The following HSPA12A variants were observed in gnomAD, a reference collection of about 807,000 sequenced individuals.
HSPA12A encodes heat shock 70 kDa protein 12A.
In HSPA12A, 28 loss-of-function variants were observed where a neutral mutation model predicts 69.2. The ratio of observed to expected loss-of-function variants is 0.40; its 90% CI spans 0.30 to 0.55. The LOEUF is 0.55. Among genes scored for constraint, HSPA12A ranks in the 20% least tolerant of loss-of-function variants. The probability of loss-of-function intolerance (pLI) is 0.38; values close to 1 mark genes in which losing one functional copy is unlikely to be tolerated. For synonymous variants in HSPA12A, 345 were observed against 370.5 expected (o/e 0.93, Z 0.79); for missense variants, 686 against 900.7 (o/e 0.76, Z 3.05).
intron 1 of HSPA12A, among the ~76,000 whole-genome samples, chr10:116,741,778 T>G (rs993262461): frequency 6.6e-6 from 1 of 151,988 alleles, no homozygotes; most frequent in African/African-American, 2.4e-5. Context: ...TGCCTCCCCC[T>G]GCCCCCCGCA....
At chr10:116,760,322 G>A (rs147429899) in intron 2 of HSPA12A, among the ~76,000 whole-genome samples, 3 of 152,120 alleles carry the variant, frequency 2.0e-5, no homozygotes, top group African/African-American at 7.2e-5. Flanking sequence ...AGATTCAAGG[G>A]CACCGAGAGC....
rs1554882194 is a variant in HSPA12A at position 116,705,145 on chromosome 10, A to T, written c.254+6T>A. 6.2e-7 allele frequency: 1 copy of T among 1,614,050 alleles called. No homozygotes were observed. The highest frequency in any genetic ancestry group is 8.5e-7 in the Non-Finnish European group (1 of 1,180,004). ...GCCACGTGGCCCTCCCACCCACAGCACTCACCTCATCACATGGATGCATTC... is the reference window on the plus strand; with the variant it reads ...GCCACGTGGCCCTCCCACCCACAGCTCTCACCTCATCACATGGATGCATTC... On this transcript the variant is annotated splice_donor_region_variant and intron_variant, in intron 3 of 11. Transcript: ENST00000369209.
rs931441882 is a variant in HSPA12A, at chr10:116,818,050, C to A, written c.91+16885G>T. ...GAGTGATCGTTTCTCACCTGGGCAA[C>A]TGCATCAGCCTCCTGTCTGGCTTCC... On this transcript the variant is annotated intron_variant, in intron 2 of 12. Coordinates refer to the HSPA12A transcript ENST00000635765. 7.9e-5 allele frequency among the ~76,000 whole-genome samples: 12 copies of A among 152,214 alleles called. No individual in the cohort carries two copies. The East Asian group carries it at 2.3e-3, about 29-fold the overall frequency.
chr10:116,770,994 G>A (rs1292853887), intron 2 of HSPA12A, among the ~76,000 whole-genome samples: 1 of 151,198 alleles, frequency 6.6e-6, no homozygotes, highest in Admixed American at 6.6e-5. Flanking sequence ...GGTTGGAGTG[G>A]GGCTGTGGGC....
At chr10:116,813,011 G>A (rs573213936) in intron 2 of HSPA12A, among the ~76,000 whole-genome samples, 10 of 152,222 alleles carry the variant, frequency 6.6e-5, no homozygotes, top group Non-Finnish European at 1.0e-4. Context: ...GGAAACTTTT[G>A]AAAAGCAGTT....
At chr10:116,831,903 C>G (rs1413993451) in intron 2 of HSPA12A, 2 of 152,178 alleles carry the variant, frequency 1.3e-5, no homozygotes, top group African/African-American at 2.4e-5. Flanking sequence ...CAACTGTTCA[C>G]CCTCAAAGTG....
Position 116,681,849 on chromosome 10 carries a change from C to G in HSPA12A, c.864G>C (p.Gln288His), listed in dbSNP as rs1293236028. Reference protein sequence around the residue: ...QAKEHIRRNRQSRTFLVENVI... With the variant: ...QAKEHIRRNRHSRTFLVENVI... ...CATTCTCCACCAAAAAGGTCCGACTCTGCCGATTACGCCGTATGTGTTCCT... is the reference window on the plus strand; with the variant it reads ...CATTCTCCACCAAAAAGGTCCGACTGTGCCGATTACGCCGTATGTGTTCCT... The change falls in exon 8 of 12, where the codon CAG becomes CAC. Residue 288 changes from glutamine to histidine, a missense_variant. Gln to His is a conservative substitution (Grantham distance 24). Coordinates refer to ENST00000369209, the MANE Select transcript of HSPA12A (RefSeq NM_025015.3). The G allele has an allele frequency of 6.2e-7, 1 of 1,614,076 alleles. No homozygotes were observed. The highest frequency in any genetic ancestry group is 8.5e-7 in the Non-Finnish European group (1 of 1,180,010).
At chr10:116,826,420 T>G (rs1845506975) in intron 2 of HSPA12A, among the ~76,000 whole-genome samples, 1 of 152,146 alleles carries the variant, frequency 6.6e-6, no homozygotes, top group South Asian at 2.1e-4. Flanking sequence ...GAATAATGAA[T>G]GAAACGTAAA....
At chr10:116,729,073 T>C (rs1638422) in intron 1 of HSPA12A, among the ~76,000 whole-genome samples, 105,246 of 152,080 alleles carry the variant, frequency 0.69, 36,939 homozygotes, top group Middle Eastern at 0.87. Flanking sequence ...CTCACACAAA[T>C]GTGAGTTGTG....
chr10:116,705,758 G>A (rs1243550756), intron 2 of HSPA12A, among the ~76,000 whole-genome samples: 1 of 152,194 alleles, frequency 6.6e-6, no homozygotes, highest in Non-Finnish European at 1.5e-5. Flanking sequence ...TGTGAGCAGG[G>A]CTGGGCATCC....
chr10:116,775,950 C>A (rs1554891074), intron 2 of HSPA12A, among the ~76,000 whole-genome samples: 10 of 152,184 alleles, frequency 6.6e-5, no homozygotes, highest in Non-Finnish European at 1.0e-4. Context: ...CAGCTGAGTG[C>A]CATAAAAGAA....
intron 10 of HSPA12A, among the ~76,000 whole-genome samples, chr10:116,679,101 T>C (rs1211649579): frequency 1.9e-4 from 29 of 152,202 alleles, no homozygotes; most frequent in Admixed American, 1.2e-3. Flanking sequence ...TACATTCCCA[T>C]TGGATTAATT....
chr10:116,763,685 T>C (rs1325208396), intron 2 of HSPA12A, among the ~76,000 whole-genome samples: 1 of 151,978 alleles, frequency 6.6e-6, no homozygotes, highest in Non-Finnish European at 1.5e-5. Flanking sequence ...CACAAAGGGG[T>C]CATTTTTCTC....
chr10:116,838,215 C>T (rs1481691121), intron 1 of HSPA12A, among the ~76,000 whole-genome samples: 1 of 150,896 alleles, frequency 6.6e-6, no homozygotes, highest in Non-Finnish European at 1.5e-5. Flanking sequence ...AGAGCTTGGA[C>T]TATCGAGGCT....
intron 6 of HSPA12A, among the ~76,000 whole-genome samples, chr10:116,688,742 T>G (rs951897394): frequency 6.6e-6 from 1 of 152,238 alleles, no homozygotes; most frequent in Non-Finnish European, 1.5e-5. Flanking sequence ...CCATGTTAGA[T>G]GAGAGGATCA....
At chr10:116,771,003 G>A (rs1166446154) in intron 2 of HSPA12A, among the ~76,000 whole-genome samples, 1 of 151,014 alleles carries the variant, frequency 6.6e-6, no homozygotes, top group Non-Finnish European at 1.5e-5. Flanking sequence ...GGGGCTGTGG[G>A]CTGTGTGTGC....
intron 1 of HSPA12A, chr10:116,849,508 C>T: frequency 6.9e-7 from 1 of 1,450,314 alleles, no homozygotes; most frequent in Non-Finnish European, 9.1e-7. Context: ...TGCCTAGCGA[C>T]AGCAGGGACG....
chr10:116,735,420 C>T (rs1422777020), intron 1 of HSPA12A, among the ~76,000 whole-genome samples: 1 of 152,160 alleles, frequency 6.6e-6, no homozygotes, highest in Non-Finnish European at 1.5e-5. Flanking sequence ...TTGGACTTCC[C>T]AGGAACGCCT....
At chr10:116,761,580 A>T (rs34004583) in intron 2 of HSPA12A, among the ~76,000 whole-genome samples, 93,894 of 149,188 alleles carry the variant, frequency 0.63, 29,364 homozygotes, top group South Asian at 0.77. Flanking sequence ...TAAAAAAAAT[A>T]AAAAAAAAAA....
Sources: gnomAD v4.1 joint callset for allele counts (sites outside exome capture counted in the v4.1 genomes callset) on GRCh38, gnomAD v4.1.1 for gene constraint, MANE v1.5 for transcripts, NCBI Gene and HGNC (gene_info 2026-07-23, HGNC 2026-07-21) for gene names.